Variants in RGS5 observed in about 807,000 individuals in gnomAD.
The protein encoded by RGS5 is regulator of G protein signaling 5.
RGS5 carries 20 observed loss-of-function variants against 18.9 expected under a neutral mutation model. The ratio of observed to expected loss-of-function variants is 1.06; its 90% CI spans 0.74 to 1.54. The LOEUF (loss-of-function observed/expected upper bound fraction) is 1.54, where lower values mean the gene tolerates loss of function less well. Among genes scored for constraint, RGS5 ranks in the 40% most tolerant of loss-of-function variants. The pLI is 0.00. For missense variants in RGS5, 201 were observed against 211.8 expected (o/e 0.95, Z 0.32); for synonymous variants, 57 against 76.2 (o/e 0.75, Z 1.31).
rs1457323294 is a variant in RGS5 at position 163,271,859 on chromosome 1, A to T, written c.-281+34374T>A. ...TAAATTTATGTTTAATGTTTTTAAG[A>T]CACTGCCCAACTGTTTTCCAAAGTG... is the stretch of plus-strand genomic sequence containing the variant. On this transcript the variant is annotated intron_variant, in intron 2 of 5. Transcript: ENST00000618415. Among the ~76,000 whole-genome samples the T allele has an allele frequency of 3.9e-5, 6 of 152,304 alleles. No homozygotes were observed. The East Asian group carries it at 9.6e-4, about 24-fold the overall frequency.
chr1:163,213,911 G>T (rs1393687449), intron 1 of RGS5, among the ~76,000 whole-genome samples: 1 of 152,116 alleles, frequency 6.6e-6, no homozygotes, highest in Non-Finnish European at 1.5e-5. Flanking sequence ...CCACCTGCAA[G>T]ATCTCAAATC....
intron 1 of RGS5, among the ~76,000 whole-genome samples, chr1:163,316,144 T>C (rs1205064911): frequency 2.0e-5 from 3 of 152,196 alleles, no homozygotes; most frequent in African/African-American, 7.2e-5. Flanking sequence ...TACTTACCCA[T>C]TTATAACTAC....
chr1:163,197,098 T>A (rs1659589920), intron 1 of RGS5, among the ~76,000 whole-genome samples: 2 of 152,132 alleles, frequency 1.3e-5, no homozygotes. Context: ...ACTGGAGAAG[T>A]TCCCAGAGAA....
At chr1:163,223,062 C>T (rs1478979985) in intron 2 of RGS5, among the ~76,000 whole-genome samples, 2 of 151,824 alleles carry the variant, frequency 1.3e-5, no homozygotes, top group African/African-American at 4.9e-5. Flanking sequence ...TCAGGCTGGT[C>T]TCAAACTCCT....
intron 2 of RGS5, among the ~76,000 whole-genome samples, chr1:163,298,468 G>A (rs577836790): frequency 1.3e-5 from 2 of 152,222 alleles, no homozygotes; most frequent in Non-Finnish European, 2.9e-5. Context: ...AGCATCCTGA[G>A]CTAAAGAAAG....
intron 1 of RGS5, among the ~76,000 whole-genome samples, chr1:163,171,845 C>T (rs1377290275): frequency 6.6e-6 from 1 of 152,128 alleles, no homozygotes; most frequent in Non-Finnish European, 1.5e-5. Context: ...GTGCTTTTAG[C>T]CCGGAGAGGT....
At chr1:163,243,373 C>T (rs907405227) in intron 2 of RGS5, among the ~76,000 whole-genome samples, 15 of 151,982 alleles carry the variant, frequency 9.9e-5, no homozygotes, top group African/African-American at 3.1e-4. Flanking sequence ...ACAGGCCGGG[C>T]GCGGTGGCTC....
At chr1:163,241,076 G>A (rs1310892064) in intron 2 of RGS5, among the ~76,000 whole-genome samples, 1 of 152,146 alleles carries the variant, frequency 6.6e-6, no homozygotes, top group Non-Finnish European at 1.5e-5. Context: ...TCAGGTAAGA[G>A]ACCCCTGACC....
chr1:163,178,898 T>C (rs1457365751), intron 1 of RGS5, among the ~76,000 whole-genome samples: 1 of 152,218 alleles, frequency 6.6e-6, no homozygotes, highest in Non-Finnish European at 1.5e-5. Context: ...TATGACCACC[T>C]GGATCTGTCC....
intron 2 of RGS5, among the ~76,000 whole-genome samples, chr1:163,239,502 AAG>A (rs1647728379): frequency 6.6e-6 from 1 of 151,632 alleles, no homozygotes; most frequent in Admixed American, 6.6e-5. Context: ...AAAAAAAAAA[AAG>A]GGTTACCAAA....
rs1657167224 is a variant in RGS5 at position 163,147,269 on chromosome 1, T to C, written c.*73A>G. On this transcript the variant is annotated 3_prime_UTR_variant, in exon 5 of 5. Transcript: ENST00000313961. ...AGCAAAGCTGCTGTGGGAAGATATG[T>C]AGATTAATGGGAAATGCAGGGTTAT... 6.9e-7 allele frequency: 1 copy of C among 1,456,358 alleles called. No individual in the cohort carries two copies. The highest frequency in any genetic ancestry group is 9.2e-7 in the Non-Finnish European group (1 of 1,086,036). The allele number at this position is 1,456,358 out of a possible 1,614,324, so 90.2% of individuals were successfully genotyped here.
intron 4 of RGS5, 81 bp downstream of exon 4, chr1:163,152,469 G>A (rs1384234897): frequency 3.5e-6 from 5 of 1,426,306 alleles, no homozygotes; most frequent in Non-Finnish European, 4.7e-6. Context: ...GGCTCCCAAC[G>A]GGAGGTCTGT....
Position 163,161,974 on chromosome 1 carries a change from G to T in RGS5, c.158C>A (p.Thr53Asn). 2 of 1,612,436 alleles carry T rather than the reference G, an allele frequency of 1.2e-6. No individual in the cohort carries two copies. The highest frequency in any genetic ancestry group is 1.7e-6 in the Non-Finnish European group (2 of 1,178,618). ...CCACTGCAGGGCCTCGTCCAGCGAGGTTCTACATCAATAATAAGGAGAGAA... is the reference window on the plus strand; with the variant it reads ...CCACTGCAGGGCCTCGTCCAGCGAGTTTCTACATCAATAATAAGGAGAGAA... ...KPEKPAKTQK[T>N]SLDEALQWRD... Residue 53 changes from threonine (T) to asparagine (N), a missense_variant and splice_region_variant, in exon 3 of 5, where the codon ACC becomes AAC. Transcript: ENST00000313961.
rs540711634 is a variant in RGS5 at position 163,191,794 on chromosome 1, A to C, written c.44+10998T>G. On this transcript the variant is annotated intron_variant, in intron 1 of 4. Coordinates refer to ENST00000313961, the MANE Select transcript of RGS5 (RefSeq NM_003617.4). ...GCAACTCTTGGTGGCCTCCTGGATA[A>C]GGGTTGGTCACTAGAAAAACCAAAC... 2.0e-5 allele frequency among the ~76,000 whole-genome samples: 3 copies of C among 152,320 alleles called. No homozygotes were observed. The East Asian group carries it at 5.8e-4, about 29-fold the overall frequency.
At chr1:163,162,174 T>C (rs1657827589) in intron 2 of RGS5, among the ~76,000 whole-genome samples, 198 bp from the exon 3 acceptor site, 1 of 152,236 alleles carries the variant, frequency 6.6e-6, no homozygotes, top group Non-Finnish European at 1.5e-5. Flanking sequence ...ACATCTTTAT[T>C]GCATATCTTC....
At chr1:163,321,666 T>C (rs1650215194) in exon 1 of RGS5, 1 of 152,226 alleles carries the variant, frequency 6.6e-6, no homozygotes, top group African/African-American at 2.4e-5. Context: ...TGAAGTTTCC[T>C]TCACTTGGTT....
At chr1:163,151,130 A>G (rs1489120739) in intron 4 of RGS5, among the ~76,000 whole-genome samples, 2 of 152,224 alleles carry the variant, frequency 1.3e-5, no homozygotes, top group Non-Finnish European at 2.9e-5. Flanking sequence ...TTTATAAATA[A>G]CAAAGAAAAA....
At chr1:163,295,257 A>G (rs1266091747) in intron 2 of RGS5, among the ~76,000 whole-genome samples, 14 of 152,208 alleles carry the variant, frequency 9.2e-5, no homozygotes, top group Admixed American at 9.2e-4. Flanking sequence ...AATAAAATAA[A>G]TCTTTATTAG....
At chr1:163,218,869 T>G (rs1383476586), upstream of RGS5, among the ~76,000 whole-genome samples, 1 of 152,180 alleles carries the variant, frequency 6.6e-6, no homozygotes, top group Non-Finnish European at 1.5e-5. Context: ...ATGTATGTAT[T>G]GTGAAGATAT....
Sources: allele counts gnomAD v4.1 joint callset (sites outside exome capture counted in the v4.1 genomes callset), GRCh38; gene constraint gnomAD v4.1.1; transcripts MANE v1.5; gene names NCBI Gene and HGNC (gene_info 2026-07-23, HGNC 2026-07-21).